SDK1: variants seen among roughly 807,000 people sequenced by gnomAD.
The protein encoded by SDK1 is protein sidekick-1.
Under a neutral mutation model 245.5 loss-of-function variants are expected in SDK1, and 157 were observed. The ratio of observed to expected loss-of-function variants is 0.64; its 90% CI spans 0.56 to 0.73. SDK1 has a LOEUF of 0.73. Ranked by LOEUF, SDK1 falls within the 30% of genes least tolerant of loss-of-function variation. SDK1 has a pLI of 0.00. For missense variants in SDK1, 3,583 were observed against 3,002.3 expected (o/e 1.19, Z -4.52); for synonymous variants, 1,647 against 1,278.5 (o/e 1.29, Z -6.15).
At chr7:3,452,978 A>C (rs1009698264) in intron 1 of SDK1, among the ~76,000 whole-genome samples, 2 of 152,006 alleles carry the variant, frequency 1.3e-5, no homozygotes, top group African/African-American at 2.4e-5. Flanking sequence ...TGAGAAAACT[A>C]CTCATGGCCA....
At position 3,816,676 on chromosome 7, in the gene SDK1, A is replaced by C. The variant is rs563881349; in HGVS notation, c.714-4774A>C. On this transcript the variant is annotated intron_variant, in intron 4 of 44. Transcript: ENST00000404826. Reference sequence around the variant, plus strand: ...GAATTCTACCAGAGGTACAAGGAGGAATTGAAAGCAATTTTAGTTCTTGTC... The same window carrying C: ...GAATTCTACCAGAGGTACAAGGAGGCATTGAAAGCAATTTTAGTTCTTGTC... Among the ~76,000 whole-genome samples, 8 of 152,260 alleles carry C rather than the reference A, an allele frequency of 5.3e-5. No homozygotes were observed. In the East Asian group the frequency reaches 1.5e-3, roughly 29 times the overall value.
chr7:4,063,827 C>T (rs1362369087), intron 19 of SDK1, among the ~76,000 whole-genome samples: 1 of 152,080 alleles, frequency 6.6e-6, no homozygotes, highest in Non-Finnish European at 1.5e-5. Flanking sequence ...CATATATTTA[C>T]AACCAACTGA....
intron 4 of SDK1, among the ~76,000 whole-genome samples, chr7:3,669,725 A>G (rs1171330198): frequency 6.6e-6 from 1 of 152,204 alleles, no homozygotes. Flanking sequence ...GCACTTGCAG[A>G]TGACTCACAA....
intron 1 of SDK1, among the ~76,000 whole-genome samples, chr7:3,308,708 C>T (rs1486039626): frequency 6.6e-6 from 1 of 152,022 alleles, no homozygotes; most frequent in Non-Finnish European, 1.5e-5. Flanking sequence ...AAAGAATGGG[C>T]TAGACCCTGG....
Position 3,498,717 on chromosome 7 carries a change from C to T in SDK1, c.299-120363C>T, listed in dbSNP as rs73309930. ...GTTACCGGAATGTCTCAGAATGTTG[C>T]CTGTAGGCCTCATCTTTTTTTTTTT... On this transcript the variant is annotated intron_variant, in intron 1 of 44. Coordinates refer to ENST00000404826, the MANE Select transcript of SDK1 (RefSeq NM_152744.4). Among the ~76,000 whole-genome samples the T allele has an allele frequency of 9.6e-3, 1,455 of 150,794 alleles. 26 individuals carry two copies. Among genetic ancestry groups the T allele is most frequent in the African/African-American group, 0.033 (1,355 of 41,168 alleles).
chr7:3,398,578 T>C (rs1008723572), intron 1 of SDK1, among the ~76,000 whole-genome samples: 6 of 152,058 alleles, frequency 3.9e-5, no homozygotes, highest in African/African-American at 1.4e-4. Flanking sequence ...AAAATACTTT[T>C]CCCCAGATGC....
chr7:3,697,016 G>C (rs1284368013), intron 4 of SDK1, among the ~76,000 whole-genome samples: 1 of 151,934 alleles, frequency 6.6e-6, no homozygotes, highest in Non-Finnish European at 1.5e-5. Context: ...TAAAGATCTT[G>C]AATGAGATAT....
chr7:3,788,055 CCGGGGA>C, intron 4 of SDK1, among the ~76,000 whole-genome samples: 1 of 152,276 alleles, frequency 6.6e-6, no homozygotes, highest in South Asian at 2.1e-4. Context: ...CTCGTGTGCT[CCGGGGA>C]GTGGACAGTC....
At chr7:3,561,443 G>C (rs17751407) in intron 1 of SDK1, among the ~76,000 whole-genome samples, 2 of 152,092 alleles carry the variant, frequency 1.3e-5, no homozygotes, top group African/African-American at 2.4e-5. Flanking sequence ...CTACGTGTTA[G>C]ACTCCACAAG....
At chr7:3,871,677 C>G (rs1366432504) in intron 5 of SDK1, among the ~76,000 whole-genome samples, 1 of 152,164 alleles carries the variant, frequency 6.6e-6, no homozygotes, top group African/African-American at 2.4e-5. Flanking sequence ...GGGGAGGCGC[C>G]AGACTCCCTT....
At chr7:4,215,767 C>G (rs1020924832) in intron 38 of SDK1, among the ~76,000 whole-genome samples, 1 of 152,134 alleles carries the variant, frequency 6.6e-6, no homozygotes, top group African/African-American at 2.4e-5. Flanking sequence ...TTGTGGAGCA[C>G]CTATTACTTG....
chr7:4,241,445 G>T (rs1302377711), intron 42 of SDK1, among the ~76,000 whole-genome samples: 2 of 152,004 alleles, frequency 1.3e-5, no homozygotes, highest in African/African-American at 4.8e-5. Context: ...AACCAGCCTG[G>T]GCAACGTAGC....
chr7:3,343,128 A>G (rs1300871713), intron 1 of SDK1, among the ~76,000 whole-genome samples: 1 of 152,176 alleles, frequency 6.6e-6, no homozygotes, highest in Non-Finnish European at 1.5e-5. Context: ...ATAAAACTAA[A>G]CGTAGAACTA....
At chr7:3,758,313 C>T (rs935771253) in intron 4 of SDK1, among the ~76,000 whole-genome samples, 1 of 152,192 alleles carries the variant, frequency 6.6e-6, no homozygotes, top group Non-Finnish European at 1.5e-5. Flanking sequence ...TCTCATTTCC[C>T]TCATTCTTCC....
chr7:3,394,345 TAATA>T (rs1443162678), intron 1 of SDK1, among the ~76,000 whole-genome samples: 1 of 152,166 alleles, frequency 6.6e-6, no homozygotes, highest in Non-Finnish European at 1.5e-5. Flanking sequence ...AATCAGTGGA[TAATA>T]AATATAAGAA....
Position 3,959,014 on chromosome 7 carries a change from G to A in SDK1, c.1234G>A (p.Gly412Arg), listed in dbSNP as rs1283564681. 6.2e-7 allele frequency: 1 copy of A among 1,611,004 alleles called. No individual in the cohort carries two copies. The highest frequency in any genetic ancestry group is 8.5e-7 in the Non-Finnish European group (1 of 1,177,166). Reference sequence around the variant, plus strand: ...TGTGGACATCGGATGTCAAGCCATGGGTGAGTGCAGAGTGGCTGCTGGACA... The same window carrying A: ...TGTGGACATCGGATGTCAAGCCATGAGTGAGTGCAGAGTGGCTGCTGGACA... ...ETVDIGCQAMGVPLPTLQWYK... is the reference protein window; with the variant it reads ...ETVDIGCQAMRVPLPTLQWYK... The change falls in exon 8 of 45, where the codon GGG becomes AGG. Residue 412 changes from glycine to arginine, a missense_variant and splice_region_variant. Coordinates refer to ENST00000404826, the MANE Select transcript of SDK1 (RefSeq NM_152744.4).
At chr7:4,163,191 G>A (rs761942725) in intron 32 of SDK1, among the ~76,000 whole-genome samples, 1 of 152,228 alleles carries the variant, frequency 6.6e-6, no homozygotes, top group Non-Finnish European at 1.5e-5. Context: ...GGCCAGCATG[G>A]GGTGGGTACG....
At chr7:3,375,630 C>G (rs1308283720) in intron 1 of SDK1, among the ~76,000 whole-genome samples, 1 of 152,148 alleles carries the variant, frequency 6.6e-6, no homozygotes, top group Non-Finnish European at 1.5e-5. Context: ...GGCTACCTTT[C>G]GTGAGGACAC....
At chr7:3,897,245 A>G (rs987477644) in intron 5 of SDK1, among the ~76,000 whole-genome samples, 1 of 152,212 alleles carries the variant, frequency 6.6e-6, no homozygotes, top group Non-Finnish European at 1.5e-5. Context: ...TCTCCCGTTC[A>G]GTAAGAAGTA....
Sources: allele counts gnomAD v4.1 joint callset (sites outside exome capture counted in the v4.1 genomes callset), GRCh38; gene constraint gnomAD v4.1.1; transcripts MANE v1.5; gene names NCBI Gene and HGNC (gene_info 2026-07-23, HGNC 2026-07-21).